The following KIAA1328 variants were observed in gnomAD, a reference collection of about 807,000 sequenced individuals.
KIAA1328 encodes the protein protein hinderin.
In KIAA1328, 52 loss-of-function variants were observed where a neutral mutation model predicts 68.1. That is an observed-to-expected ratio of 0.76 (90% confidence interval 0.61 to 0.96). The LOEUF (loss-of-function observed/expected upper bound fraction) is 0.96, where lower values mean the gene tolerates loss of function less well. KIAA1328 is among the 40% of genes least tolerant of loss of function. The pLI is 0.00. For synonymous variants in KIAA1328, 232 were observed against 239.4 expected, an observed-to-expected ratio of 0.97 and a Z score of 0.28; for missense variants, 641 against 677.6, an observed-to-expected ratio of 0.95 and a Z score of 0.60.
Position 37,223,224 on chromosome 18 carries a change from G to T in KIAA1328, c.*997G>T. ...TACAAGCTGACCAGGCCTCACAGGT[G>T]CTCTGCTCGTGGCCCCAAAGAACCA... On this transcript the variant is annotated 3_prime_UTR_variant, in exon 10 of 10. Transcript: ENST00000280020. The T allele has an allele frequency of 3.0e-6, 3 of 985,288 alleles. No homozygotes were observed. The highest frequency in any genetic ancestry group is 3.6e-6 in the Non-Finnish European group (3 of 829,942). 61.0% of individuals were successfully genotyped at this position (985,288 alleles called of 1,614,324 possible). A position where few individuals can be genotyped will look rare whatever the true frequency, so the allele number is the denominator to read the frequency against.
intron 7 of KIAA1328, among the ~76,000 whole-genome samples, chr18:37,104,610 C>A (rs1406430708): frequency 6.6e-6 from 1 of 152,048 alleles, no homozygotes; most frequent in Admixed American, 6.6e-5. Context: ...CTATGGTTAA[C>A]AATAATTTAT....
chr18:37,020,448 G>A (rs906033885), intron 6 of KIAA1328, among the ~76,000 whole-genome samples: 1 of 152,228 alleles, frequency 6.6e-6, no homozygotes, highest in Non-Finnish European at 1.5e-5. Flanking sequence ...CTTAAAAATA[G>A]TTAAATAACT....
chr18:37,106,794 C>T (rs1482478524), intron 7 of KIAA1328, among the ~76,000 whole-genome samples: 1 of 152,124 alleles, frequency 6.6e-6, no homozygotes, highest in Admixed American at 6.6e-5. Flanking sequence ...CCCTGTGTTT[C>T]GTATTGTTCA....
chr18:37,211,113 A>G (rs1458920146), intron 9 of KIAA1328, among the ~76,000 whole-genome samples: 1 of 152,250 alleles, frequency 6.6e-6, no homozygotes, highest in Non-Finnish European at 1.5e-5. Context: ...ACAACTAGTT[A>G]CGCTATACTT....
chr18:36,921,700 G>A (rs1293777995), intron 5 of KIAA1328, among the ~76,000 whole-genome samples: 3 of 152,158 alleles, frequency 2.0e-5, no homozygotes, highest in Admixed American at 6.5e-5. Context: ...CACTGTGCCC[G>A]GCCTTTTCTT....
chr18:36,928,753 G>A (rs577703495), intron 5 of KIAA1328, among the ~76,000 whole-genome samples: 7 of 152,262 alleles, frequency 4.6e-5, no homozygotes, highest in Admixed American at 3.9e-4. Context: ...AGTTCTTTGA[G>A]CTTCTTTGGT....
At position 37,150,324 on chromosome 18, in the gene KIAA1328, C is replaced by A. The variant is rs184016533; in HGVS notation, c.1233-9876C>A. ...CATTGTAGGATGTTAAGCAGCATCC[C>A]TGGCCTCTACCCACTAGATGCCAAT... On this transcript the variant is annotated intron_variant, in intron 7 of 9. Coordinates refer to ENST00000280020, the MANE Select transcript of KIAA1328 (RefSeq NM_020776.3). Among the ~76,000 whole-genome samples, 463 of 152,260 alleles carry A rather than the reference C, an allele frequency of 3.0e-3. 3 individuals carry two copies. Among genetic ancestry groups the A allele is most frequent in the Non-Finnish European group, 5.2e-3 (353 of 67,996 alleles).
intron 7 of KIAA1328, among the ~76,000 whole-genome samples, chr18:37,079,521 T>C (rs1234654845): frequency 6.6e-6 from 1 of 151,220 alleles, no homozygotes; most frequent in Non-Finnish European, 1.5e-5. Context: ...AAAAAAGAAG[T>C]GCAGCTATTT....
At chr18:37,209,154 T>C (rs1160278996) in intron 9 of KIAA1328, among the ~76,000 whole-genome samples, 1 of 152,240 alleles carries the variant, frequency 6.6e-6, no homozygotes, top group Non-Finnish European at 1.5e-5. Context: ...ACACATCATA[T>C]GTGTAAGCAT....
intron 6 of KIAA1328, among the ~76,000 whole-genome samples, chr18:37,015,880 T>G (rs322642): frequency 0.73 from 111,393 of 152,114 alleles, 43,939 homozygotes; most frequent in South Asian, 0.89. Flanking sequence ...AAGTCATTTA[T>G]CAGTTCCAGG....
intron 5 of KIAA1328, among the ~76,000 whole-genome samples, chr18:36,915,594 G>A (rs1367996927): frequency 6.6e-6 from 1 of 151,996 alleles, no homozygotes; most frequent in African/African-American, 2.4e-5. Context: ...TACTCATTAG[G>A]GAAATGCAAA....
At chr18:37,085,998 C>T (rs2057091818) in intron 7 of KIAA1328, among the ~76,000 whole-genome samples, 1 of 151,976 alleles carries the variant, frequency 6.6e-6, no homozygotes, top group African/African-American at 2.4e-5. Flanking sequence ...TTTAAAAATG[C>T]CTTATTCAGC....
chr18:36,954,630 A>C (rs987057893), intron 5 of KIAA1328: 3 of 151,100 alleles, frequency 2.0e-5, no homozygotes, highest in Admixed American at 6.6e-5. Flanking sequence ...GTGATTTAAA[A>C]TTTTGACCAT....
intron 5 of KIAA1328, among the ~76,000 whole-genome samples, chr18:36,956,613 C>T (rs2051430222): frequency 6.6e-6 from 1 of 151,858 alleles, no homozygotes; most frequent in Non-Finnish European, 1.5e-5. Context: ...GTAGGACTAC[C>T]TGTTTTTATA....
intron 6 of KIAA1328, among the ~76,000 whole-genome samples, chr18:37,062,432 T>C (rs957299393): frequency 6.7e-6 from 1 of 149,860 alleles, no homozygotes; most frequent in Non-Finnish European, 1.5e-5. Context: ...ATAGATGTGG[T>C]TTTTTTTGTT....
At chr18:37,085,815 C>T (rs1315890582) in intron 7 of KIAA1328, among the ~76,000 whole-genome samples, 1 of 152,016 alleles carries the variant, frequency 6.6e-6, no homozygotes, top group African/African-American at 2.4e-5. Flanking sequence ...CCTCTCCTCC[C>T]TCTCTCCATA....
intron 7 of KIAA1328, among the ~76,000 whole-genome samples, chr18:37,076,917 TG>T (rs1261874054): frequency 6.6e-6 from 1 of 152,176 alleles, no homozygotes; most frequent in African/African-American, 2.4e-5. Context: ...AAGGAGGAAC[TG>T]GTACCATTCC....
At chr18:37,151,222 G>C (rs1439096365) in intron 7 of KIAA1328, among the ~76,000 whole-genome samples, 14 of 152,138 alleles carry the variant, frequency 9.2e-5, no homozygotes, top group African/African-American at 3.1e-4. Context: ...TTTAGCAAAA[G>C]AAGCAAAATA....
intron 7 of KIAA1328, among the ~76,000 whole-genome samples, chr18:37,097,836 A>G (rs931837181): frequency 5.9e-5 from 9 of 152,164 alleles, no homozygotes; most frequent in African/African-American, 1.9e-4. Flanking sequence ...CTTTGAAGCA[A>G]TTGTGAATGG....
Sources: allele counts gnomAD v4.1 joint callset (sites outside exome capture counted in the v4.1 genomes callset), GRCh38; gene constraint gnomAD v4.1.1; transcripts MANE v1.5; gene names NCBI Gene and HGNC (gene_info 2026-07-23, HGNC 2026-07-21).